Variants in SOX5 observed in about 807,000 individuals in gnomAD.
SOX5 encodes the protein SRY-box transcription factor 5.
Under a neutral mutation model 92.0 loss-of-function variants are expected in SOX5, and 9 were observed. That is an observed-to-expected ratio of 0.10 (90% CI 0.06 to 0.17). The LOEUF (loss-of-function observed/expected upper bound fraction) is 0.17. Among genes scored for constraint, SOX5 ranks in the 10% least tolerant of loss-of-function variants. SOX5 has a pLI of 1.00. For missense variants in SOX5, 642 were observed against 944.5 expected (o/e 0.68, Z 4.20); for synonymous variants, 344 against 336.3 (o/e 1.02, Z -0.25).
rs73064465 is a variant in SOX5, at chr12:24,358,342, C to T, written c.-174+10221G>A. The stretch of plus-strand genomic sequence containing the variant: ...TTTTACCAATAAGAAGCCTTCTTTG[C>T]AATCCAATAATCATTAGTGATTACA... On this transcript the variant is annotated intron_variant, in intron 2 of 4. Transcript: ENST00000446891. 2.9e-3 allele frequency among the ~76,000 whole-genome samples: 448 copies of T among 152,292 alleles called. 3 individuals carry two copies. The highest frequency in any genetic ancestry group is 0.011 in the South Asian group (53 of 4,812).
At chr12:23,900,914 C>T (rs1010935124) in intron 1 of SOX5, among the ~76,000 whole-genome samples, 5 of 152,028 alleles carry the variant, frequency 3.3e-5, no homozygotes, top group Admixed American at 2.0e-4. Flanking sequence ...GAGCTGAGAT[C>T]GCGCCACTGC....
intron 2 of SOX5, among the ~76,000 whole-genome samples, chr12:24,366,617 G>A (rs1240424608): frequency 6.6e-6 from 1 of 152,068 alleles, no homozygotes; most frequent in African/African-American, 2.4e-5. Context: ...TAAAGCACAT[G>A]CACACACATT....
At chr12:24,502,847 T>C (rs932643654) in intron 1 of SOX5, among the ~76,000 whole-genome samples, 5 of 152,154 alleles carry the variant, frequency 3.3e-5, no homozygotes, top group African/African-American at 1.2e-4. Flanking sequence ...AACACATCAA[T>C]TTTACGGTAT....
At chr12:24,179,933 T>C (rs983673751) in intron 4 of SOX5, among the ~76,000 whole-genome samples, 3 of 148,214 alleles carry the variant, frequency 2.0e-5, no homozygotes, top group Non-Finnish European at 4.5e-5. Flanking sequence ...CTTATAATCT[T>C]TTTTTTTATT....
rs188439856 is a variant in SOX5 at position 23,536,417 on chromosome 12, T to C, written c.1988+36A>G. On this transcript the variant is annotated intron_variant, in intron 14 of 14. Transcript: ENST00000451604. ...ACATCCCATTAAGTATAACAGGAAG[T>C]TTGCCCCATGAGAAAAATGACTAAA... 6.5e-5 allele frequency: 98 copies of C among 1,515,984 alleles called. No homozygotes were observed. The Admixed American group carries it at 1.3e-3, about 21-fold the overall frequency. The allele number at this position is 1,515,984 out of a possible 1,614,324, so 93.9% of individuals were successfully genotyped here. A position where few individuals can be genotyped will look rare whatever the true frequency, so the allele number is the denominator to read the frequency against.
intron 6 of SOX5, among the ~76,000 whole-genome samples, chr12:23,686,872 C>A (rs17472549): frequency 1.3e-5 from 2 of 151,830 alleles, no homozygotes; most frequent in Non-Finnish European, 2.9e-5. Flanking sequence ...TGGTTCACTA[C>A]GTCCAGGTAC....
intron 4 of SOX5, among the ~76,000 whole-genome samples, chr12:24,082,846 C>A (rs527621522): frequency 1.8e-4 from 27 of 151,396 alleles, no homozygotes; most frequent in East Asian, 1.9e-4. Context: ...TTTATAAATT[C>A]TTCATTTATT....
chr12:23,887,856 A>G (rs561985927), intron 2 of SOX5, among the ~76,000 whole-genome samples: 1 of 152,074 alleles, frequency 6.6e-6, no homozygotes, highest in South Asian at 2.1e-4. Context: ...TGGCAAAAAC[A>G]AAACTATATT....
chr12:24,005,259 G>A (rs960092242), intron 4 of SOX5, among the ~76,000 whole-genome samples: 1 of 151,708 alleles, frequency 6.6e-6, no homozygotes, highest in Non-Finnish European at 1.5e-5. Flanking sequence ...TTTCAATAAA[G>A]CTATTTCAAA....
chr12:24,189,075 G>C (rs1956277548), intron 4 of SOX5, among the ~76,000 whole-genome samples: 1 of 152,042 alleles, frequency 6.6e-6, no homozygotes, highest in African/African-American at 2.4e-5. Context: ...TCTCATTTTT[G>C]CTACAGTAAC....
At chr12:23,920,420 C>G (rs1381365606) in intron 1 of SOX5, 9 of 152,202 alleles carry the variant, frequency 5.9e-5, no homozygotes, top group Admixed American at 1.3e-4. Context: ...ATAGATGACT[C>G]TCTAGATTAG....
rs566210968 is a variant in SOX5, at chr12:24,257,863, G to T, written c.-77+19353C>A. On this transcript the variant is annotated intron_variant, in intron 3 of 4. Transcript: ENST00000446891. ...GTACAACTAGTGCCTCTGACAACAC[G>T]GTTTTATTTTCTTTTAAAGCCCCTA... Among the ~76,000 whole-genome samples, 312 of 151,844 alleles carry T rather than the reference G, an allele frequency of 2.1e-3. 2 individuals are homozygous for T. The highest frequency in any genetic ancestry group is 6.8e-3 in the African/African-American group (283 of 41,428).
chr12:24,395,295 A>T (rs1198672440), intron 1 of SOX5, among the ~76,000 whole-genome samples: 2 of 152,182 alleles, frequency 1.3e-5, no homozygotes, highest in African/African-American at 2.4e-5. Context: ...AAGTCTTTGG[A>T]ACCACAAATC....
chr12:23,848,502 G>C (rs1475992718), intron 2 of SOX5, among the ~76,000 whole-genome samples: 2 of 152,154 alleles, frequency 1.3e-5, no homozygotes, highest in East Asian at 3.8e-4. Context: ...CTCTGGCACT[G>C]TTAATCTCCT....
chr12:24,508,558 T>A (rs1327056056), intron 1 of SOX5, among the ~76,000 whole-genome samples: 1 of 152,112 alleles, frequency 6.6e-6, no homozygotes, highest in East Asian at 1.9e-4. Context: ...GGGATGTGCA[T>A]CTGCAGCCCA....
chr12:24,104,978 A>T (rs888451361), intron 4 of SOX5, among the ~76,000 whole-genome samples: 1 of 152,242 alleles, frequency 6.6e-6, no homozygotes, highest in African/African-American at 2.4e-5. Context: ...ACTTTGGAAC[A>T]GTCTCTAAGT....
intron 2 of SOX5, 147 bp from the exon 3 acceptor site, chr12:23,846,340 C>T (rs1212770799): frequency 1.1e-5 from 7 of 651,250 alleles, no homozygotes; most frequent in African/African-American, 3.6e-5. Flanking sequence ...ATGGCTTATT[C>T]AGCTGAAAGA....
intron 4 of SOX5, among the ~76,000 whole-genome samples, chr12:24,102,216 T>C (rs1391189065): frequency 2.0e-5 from 3 of 152,172 alleles, no homozygotes; most frequent in East Asian, 3.9e-4. Context: ...GTACAACAAA[T>C]TGTGTCTTTT....
chr12:24,228,007 A>G (rs1166314636), intron 3 of SOX5, among the ~76,000 whole-genome samples: 2 of 152,202 alleles, frequency 1.3e-5, no homozygotes, highest in Non-Finnish European at 2.9e-5. Context: ...TGAGATGTGG[A>G]TGGGTGTGAA....
Sources: gnomAD v4.1 joint callset for allele counts (sites outside exome capture counted in the v4.1 genomes callset) on GRCh38, gnomAD v4.1.1 for gene constraint, MANE v1.5 for transcripts, NCBI Gene and HGNC (gene_info 2026-07-23, HGNC 2026-07-21) for gene names.